KIF14: variants seen among roughly 807,000 people sequenced by gnomAD.
KIF14 encodes kinesin-like protein KIF14.
Under a neutral mutation model 176.2 loss-of-function variants are expected in KIF14, and 98 were observed. That is an observed-to-expected ratio of 0.56 (90% CI 0.47 to 0.66). The LOEUF (loss-of-function observed/expected upper bound fraction) is 0.66. Ranked by LOEUF, KIF14 falls within the 30% of genes least tolerant of loss-of-function variation. The pLI is 0.00. For synonymous variants in KIF14, 566 were observed against 632.2 expected, an observed-to-expected ratio of 0.90 and a Z score of 1.57; for missense variants, 1,751 against 1,920.4, an observed-to-expected ratio of 0.91 and a Z score of 1.65.
chr1:200,598,848 C>T lies in KIF14; in HGVS notation c.2365-427G>A, dbSNP rs562598043. On this transcript the variant is annotated intron_variant, in intron 13 of 29. Transcript: ENST00000367350. ...TGCTGGAATTACAGGCGTGAGCCAC[C>T]GTGCCCGGCCATAAAGGTTTTTTAG... 1.8e-4 allele frequency among the ~76,000 whole-genome samples: 27 copies of T among 152,286 alleles called. No individual in the cohort carries two copies. The East Asian group carries it at 2.3e-3, about 13-fold the overall frequency.
At position 200,578,342 on chromosome 1, in the gene KIF14, T is replaced by A. The variant is rs142449128; in HGVS notation, c.3465+1912A>T. Among the ~76,000 whole-genome samples, 1,224 of 152,260 alleles carry A rather than the reference T, an allele frequency of 8.0e-3. 11 individuals carry two copies. Among genetic ancestry groups the A allele is most frequent in the African/African-American group, 0.026 (1,095 of 41,548 alleles). On this transcript the variant is annotated intron_variant, in intron 21 of 29. Transcript: ENST00000367350. Reference sequence around the variant, plus strand: ...CTACAATTTGGCAGCATCCTCTAAGTTTTTCCATATGATACCTTCATTACT... The same window carrying A: ...CTACAATTTGGCAGCATCCTCTAAGATTTTCCATATGATACCTTCATTACT...
At chr1:200,609,028 T>G in intron 4 of KIF14, 100 bp from the exon 5 acceptor site, 1 of 588,992 alleles carries the variant, frequency 1.7e-6, no homozygotes, top group South Asian at 2.8e-5. Flanking sequence ...TATATAAAAA[T>G]ATCCTACAAC....
intron 23 of KIF14, among the ~76,000 whole-genome samples, chr1:200,566,559 C>T (rs1475478891): frequency 6.6e-6 from 1 of 150,700 alleles, no homozygotes. Context: ...CACCACTGCA[C>T]TCCAGCCTGG....
chr1:200,592,468 C>T (rs189086625), intron 15 of KIF14, among the ~76,000 whole-genome samples: 8 of 152,166 alleles, frequency 5.3e-5, no homozygotes, highest in Non-Finnish European at 7.4e-5. Context: ...CTCGGCCTCA[C>T]GGGTTCAAGC....
At chr1:200,610,542 T>A (rs1039316950) in intron 4 of KIF14, among the ~76,000 whole-genome samples, 8 of 149,192 alleles carry the variant, frequency 5.4e-5, no homozygotes, top group Non-Finnish European at 1.2e-4. Context: ...TTAATATGAA[T>A]AACAACAAAA....
Position 200,618,310 on chromosome 1 carries a change from T to C in KIF14, c.414A>G (p.Ile138Met), listed in dbSNP as rs757781079. The C allele has an allele frequency of 1.9e-6, 3 of 1,613,942 alleles. No homozygotes were observed. The Admixed American group carries it at 5.0e-5, about 27-fold the overall frequency. ...DSAEKWKTAE[I>M]DSVKMTLNVG... is the part of the protein sequence containing the mutation. ...CATTCAGTGTCATTTTGACAGAATC[T>C]ATTTCAGCTGTTTTCCACTTTTCTG... The change falls in exon 2 of 30, where the codon ATA (isoleucine) becomes ATG (methionine). Residue 138 changes from isoleucine to methionine, a missense_variant. Ile to Met is a conservative substitution (Grantham distance 10, BLOSUM62 1). Transcript: ENST00000367350.
At chr1:200,604,381 T>A (rs1659773411) in intron 8 of KIF14, among the ~76,000 whole-genome samples, 2 of 152,192 alleles carry the variant, frequency 1.3e-5, no homozygotes, top group South Asian at 4.1e-4. Context: ...GATCATCCCT[T>A]CATGAATCTG....
Position 200,565,194 on chromosome 1 carries a change from G to A in KIF14, c.3946C>T (p.Gln1316Ter). ...CAGTGTTTCATTAGCACTACTAGCT[G>A]CTCAAAAGCACATGCAGTCTGAATA... ...LTIQTACAFE[Q>*]LVVLMKHWLS... Residue 1316 changes from glutamine to a stop codon, truncating the protein, a stop_gained, in exon 25 of 30, where the codon CAG (glutamine) becomes TAG (stop). Coordinates refer to ENST00000367350, the MANE Select transcript of KIF14 (RefSeq NM_014875.3). LOFTEE classifies it high-confidence loss of function. 6.2e-7 allele frequency: 1 copy of A among 1,613,890 alleles called. No individual in the cohort carries two copies. The highest frequency in any genetic ancestry group is 8.5e-7 in the Non-Finnish European group (1 of 1,179,890).
At chr1:200,581,430 TGATATTTGA>T in intron 19 of KIF14, 136 bp from the exon 20 acceptor site, 1 of 433,668 alleles carries the variant, frequency 2.3e-6, no homozygotes, top group African/African-American at 2.0e-5. Flanking sequence ...GAAGGATAAG[TGATATTTGA>T]GTAATTTGGT....
chr1:200,559,587 A>G, intron 26 of KIF14, 135 bp from the exon 27 acceptor site: 1 of 416,522 alleles, frequency 2.4e-6, no homozygotes, highest in Non-Finnish European at 4.1e-6. Flanking sequence ...ACTATAATAC[A>G]TCCCAAGTTT....
At chr1:200,615,245 G>A in intron 3 of KIF14, 110 bp downstream of exon 3, 4 of 1,177,512 alleles carry the variant, frequency 3.4e-6, no homozygotes, top group Non-Finnish European at 4.8e-6. Flanking sequence ...TGAGATTTGG[G>A]CCAAGATCTG....
intron 10 of KIF14, among the ~76,000 whole-genome samples, chr1:200,602,365 TG>T (rs1044601398): frequency 2.5e-4 from 38 of 152,348 alleles, no homozygotes; most frequent in African/African-American, 8.4e-4. Flanking sequence ...CTATGTGTCT[TG>T]GTCATCTTTG....
At chr1:200,606,516 T>C (rs1440001057) in intron 6 of KIF14, among the ~76,000 whole-genome samples, 2 of 152,190 alleles carry the variant, frequency 1.3e-5, no homozygotes, top group African/African-American at 4.8e-5. Context: ...GCAGACACTT[T>C]ACAGGTACTA....
chr1:200,596,033 T>C (rs1479016088), intron 14 of KIF14, among the ~76,000 whole-genome samples: 1 of 150,620 alleles, frequency 6.6e-6, no homozygotes, highest in Non-Finnish European at 1.5e-5. Context: ...GGTGGGCGGA[T>C]CACCTGAGGT....
At chr1:200,568,921 ATTT>A (rs144531910) in intron 23 of KIF14, among the ~76,000 whole-genome samples, 151 of 106,638 alleles carry the variant, frequency 1.4e-3, no homozygotes, top group Middle Eastern at 4.7e-3. Flanking sequence ...GCAGGTAGTA[ATTT>A]TTTTTTTTTT....
intron 25 of KIF14, among the ~76,000 whole-genome samples, chr1:200,564,107 C>T (rs1465589400): frequency 6.6e-6 from 1 of 151,720 alleles, no homozygotes; most frequent in African/African-American, 2.4e-5. Flanking sequence ...ACTAAAAATA[C>T]AAAAATTAGC....
In KIF14 at chr1:200,614,373, A is replaced by T; in HGVS notation, c.1400T>A (p.Ile467Asn). Residue 467 changes from isoleucine (I) to asparagine (N), a missense_variant, in exon 4 of 30, where the codon ATT (isoleucine) becomes AAT (asparagine). Coordinates refer to ENST00000367350, the MANE Select transcript of KIF14 (RefSeq NM_014875.3). The stretch of plus-strand genomic sequence containing the variant: ...AAAAAGATCTTCACAAAATCTTGGA[A>T]TTATTCCTGGTTCTTCACTAAATCC... The part of the protein sequence containing the change: ...MMGFSEEPGI[I>N]PRFCEDLFSQ... 1 of 1,608,188 alleles carries T rather than the reference A, an allele frequency of 6.2e-7. No homozygotes were observed. The highest frequency in any genetic ancestry group is 8.5e-7 in the Non-Finnish European group (1 of 1,175,122).
intron 21 of KIF14, among the ~76,000 whole-genome samples, chr1:200,579,529 A>C (rs927819193): frequency 6.6e-6 from 1 of 151,836 alleles, no homozygotes; most frequent in Admixed American, 6.6e-5. Flanking sequence ...GAATCGCTTG[A>C]ACCCGGGAGG....
At chr1:200,602,805 GCAAA>G (rs1283893898) in intron 10 of KIF14, among the ~76,000 whole-genome samples, 1 of 152,172 alleles carries the variant, frequency 6.6e-6, no homozygotes, top group Non-Finnish European at 1.5e-5. Context: ...TGTGTAGTAA[GCAAA>G]CAAAATTATT....
Sources: allele counts gnomAD v4.1 joint callset (sites outside exome capture counted in the v4.1 genomes callset), GRCh38; gene constraint gnomAD v4.1.1; transcripts MANE v1.5; gene names NCBI Gene and HGNC (gene_info 2026-07-23, HGNC 2026-07-21).